PACSIN2: variants seen among roughly 807,000 people sequenced by gnomAD.
The protein encoded by PACSIN2 is protein kinase C and casein kinase substrate in neurons 2, also known as protein kinase C and casein kinase substrate in neurons protein 2.
Under a neutral mutation model 63.8 loss-of-function variants are expected in PACSIN2, and 25 were observed. That is an observed-to-expected ratio of 0.39 (90% CI 0.29 to 0.55). The LOEUF (loss-of-function observed/expected upper bound fraction) is 0.55. PACSIN2 is among the 20% of genes least tolerant of loss of function. The pLI, the probability that PACSIN2 is intolerant of heterozygous loss-of-function variation, is 0.62. For missense variants in PACSIN2, 518 were observed against 646.9 expected, an observed-to-expected ratio of 0.80 and a Z score of 2.16; for synonymous variants, 255 against 256.2, an observed-to-expected ratio of 1.00 and a Z score of 0.05.
intron 7 of PACSIN2, 36 bp downstream of exon 7, chr22:42,882,148 C>G (rs374290800): frequency 1.9e-5 from 31 of 1,611,662 alleles, no homozygotes; most frequent in Non-Finnish European, 2.5e-5. Context: ...GGTCCTCTTC[C>G]AGGCTGATGA....
At chr22:42,981,218 G>A (rs1327255816) in intron 1 of PACSIN2, among the ~76,000 whole-genome samples, 8 of 113,718 alleles carry the variant, frequency 7.0e-5, no homozygotes, top group African/African-American at 2.3e-4. Flanking sequence ...CGGCCGCTCC[G>A]TCTGAGAAGT....
intron 1 of PACSIN2, among the ~76,000 whole-genome samples, chr22:43,012,654 T>C (rs77775250): frequency 7.1e-6 from 1 of 141,596 alleles, no homozygotes; most frequent in African/African-American, 2.6e-5. Flanking sequence ...GCCAGACTAA[T>C]TTTTTTTTTT....
chr22:43,010,398 A>ATATATATATATATATATATATATATATT, intron 1 of PACSIN2, among the ~76,000 whole-genome samples: 21 of 126,396 alleles, frequency 1.7e-4, no homozygotes, highest in African/African-American at 2.8e-4. Flanking sequence ...ATATATATAT[A>ATATATATATATATATATATATATATATT]TTTTTTTTTA....
At chr22:42,989,911 TA>T in intron 1 of PACSIN2, among the ~76,000 whole-genome samples, 1 of 149,282 alleles carries the variant, frequency 6.7e-6, no homozygotes, top group East Asian at 1.9e-4. Context: ...TATATGTATA[TA>T]TATGTGTGTA....
chr22:42,984,229 C>T (rs1251265201), intron 1 of PACSIN2, among the ~76,000 whole-genome samples: 2 of 152,034 alleles, frequency 1.3e-5, no homozygotes, highest in Non-Finnish European at 2.9e-5. Flanking sequence ...GTCCCAGCCT[C>T]CCACAGTGCT....
At chr22:42,942,507 CG>C (rs778352549) in intron 1 of PACSIN2, among the ~76,000 whole-genome samples, 55 of 152,036 alleles carry the variant, frequency 3.6e-4, no homozygotes, top group Middle Eastern at 3.4e-3. Flanking sequence ...TTTTTTTAAA[CG>C]TTTTTTTAAT....
intron 1 of PACSIN2, among the ~76,000 whole-genome samples, chr22:42,924,169 G>A (rs1932383633): frequency 5.3e-5 from 8 of 151,950 alleles, no homozygotes; most frequent in Admixed American, 5.2e-4. Context: ...GGAGGTCCAT[G>A]AGCACCTCCT....
rs1395394464 is a variant in PACSIN2, at chr22:42,907,434, CT to C, written c.60+4586del. The stretch of plus-strand genomic sequence containing the variant: ...AATAATTAATGGTAATTTTTAGAAA[CT>C]TTAGTGAAACTAATGTGGGCCACTA... On this transcript the variant is annotated intron_variant, in intron 2 of 10. Coordinates refer to ENST00000263246, the MANE Select transcript of PACSIN2 (RefSeq NM_001184970.3). 1.2e-4 allele frequency among the ~76,000 whole-genome samples: 19 copies of C among 152,322 alleles called. 1 individual carries two copies. The highest frequency in any genetic ancestry group is 1.2e-3 in the Admixed American group (19 of 15,306).
chr22:42,962,484 C>T (rs534470793), intron 1 of PACSIN2, among the ~76,000 whole-genome samples: 154 of 151,490 alleles, frequency 1.0e-3, no homozygotes, highest in Non-Finnish European at 7.5e-4. Flanking sequence ...CTTCCCTCAA[C>T]GGTCAGAACT....
intron 1 of PACSIN2, among the ~76,000 whole-genome samples, chr22:42,978,594 G>A (rs1252834398): frequency 6.6e-6 from 1 of 152,180 alleles, no homozygotes; most frequent in Non-Finnish European, 1.5e-5. Context: ...AAAGCAGGAA[G>A]GTTTCCATGC....
chr22:42,925,892 C>T (rs562260863), intron 1 of PACSIN2, among the ~76,000 whole-genome samples: 5 of 152,124 alleles, frequency 3.3e-5, no homozygotes, highest in Non-Finnish European at 7.4e-5. Flanking sequence ...CTCTATGTCA[C>T]CAGCCTTGGC....
intron 1 of PACSIN2, among the ~76,000 whole-genome samples, chr22:43,013,115 C>T (rs1056992891): frequency 6.6e-6 from 1 of 152,218 alleles, no homozygotes; most frequent in Non-Finnish European, 1.5e-5. Flanking sequence ...TATCACATCA[C>T]AACTTCATAT....
At chr22:42,958,418 A>G (rs894914731) in intron 1 of PACSIN2, among the ~76,000 whole-genome samples, 1 of 152,230 alleles carries the variant, frequency 6.6e-6, no homozygotes, top group African/African-American at 2.4e-5. Context: ...TTTAAAAAGA[A>G]AAAAGGAAGG....
intron 1 of PACSIN2, among the ~76,000 whole-genome samples, chr22:42,952,845 T>C (rs1292718264): frequency 1.3e-5 from 2 of 152,094 alleles, no homozygotes; most frequent in Non-Finnish European, 2.9e-5. Flanking sequence ...GTGTGTTTTT[T>C]AGTAGAGACG....
chr22:42,973,832 G>A (rs1309593935), intron 1 of PACSIN2, among the ~76,000 whole-genome samples: 3 of 152,228 alleles, frequency 2.0e-5, no homozygotes, highest in African/African-American at 4.8e-5. Flanking sequence ...GGGTCTAGGG[G>A]CACAGCATAT....
At chr22:42,910,464 G>C (rs1470350050) in intron 2 of PACSIN2, among the ~76,000 whole-genome samples, 1 of 152,220 alleles carries the variant, frequency 6.6e-6, no homozygotes, top group Non-Finnish European at 1.5e-5. Context: ...GGGGGGGCCA[G>C]CCAGCGGGAC....
At chr22:42,979,701 T>A (rs1921948997) in intron 1 of PACSIN2, among the ~76,000 whole-genome samples, 1 of 152,192 alleles carries the variant, frequency 6.6e-6, no homozygotes, top group Non-Finnish European at 1.5e-5. Context: ...TTAAGGCACC[T>A]GCCGCTTTCT....
chr22:42,942,217 G>A (rs1933202993), intron 1 of PACSIN2, among the ~76,000 whole-genome samples: 1 of 151,008 alleles, frequency 6.6e-6, no homozygotes, highest in Non-Finnish European at 1.5e-5. Context: ...TGGGATTACA[G>A]ATGTGAGCCA....
At position 42,966,386 on chromosome 22, in the gene PACSIN2, C is replaced by A. The variant is rs570954482; in HGVS notation, c.-78+48635G>T. Among the ~76,000 whole-genome samples, 259 of 149,854 alleles carry A rather than the reference C, an allele frequency of 1.7e-3. 4 individuals carry two copies. Among genetic ancestry groups the A allele is most frequent in the Non-Finnish European group, 1.1e-3 (74 of 67,638 alleles). ...CTAAAAAAAAAAAAAAGCCACTTGT[C>A]TTTACTCATCCAACACGTGTACATA... On this transcript the variant is annotated intron_variant, in intron 1 of 10. Coordinates refer to ENST00000263246, the MANE Select transcript of PACSIN2 (RefSeq NM_001184970.3).
Sources: gnomAD v4.1 joint callset for allele counts (sites outside exome capture counted in the v4.1 genomes callset) on GRCh38, gnomAD v4.1.1 for gene constraint, MANE v1.5 for transcripts, NCBI Gene and HGNC (gene_info 2026-07-23, HGNC 2026-07-21) for gene names.